The following RALGPS1 variants were observed in gnomAD, a reference collection of about 807,000 sequenced individuals.
RALGPS1 encodes the protein ras-specific guanine nucleotide-releasing factor RalGPS1.
In RALGPS1, 19 loss-of-function variants were observed where a neutral mutation model predicts 78.8. The ratio of observed to expected loss-of-function variants is 0.24; its 90% confidence interval spans 0.17 to 0.35. The LOEUF (loss-of-function observed/expected upper bound fraction) is 0.35. RALGPS1 is among the 10% of genes least tolerant of loss of function. RALGPS1 has a pLI of 1.00. For missense variants in RALGPS1, 454 were observed against 688.3 expected (o/e 0.66, Z 3.81); for synonymous variants, 228 against 256.3 (o/e 0.89, Z 1.06).
intron 8 of RALGPS1, among the ~76,000 whole-genome samples, chr9:127,100,728 T>C (rs1250849799): frequency 1.3e-5 from 2 of 152,132 alleles, no homozygotes; most frequent in African/African-American, 2.4e-5. Context: ...TGGAAGAACT[T>C]ATCAGACCCA....
At chr9:126,960,214 TCCCTCC>T (rs2038763486) in intron 1 of RALGPS1, among the ~76,000 whole-genome samples, 1 of 56,230 alleles carries the variant, frequency 1.8e-5, no homozygotes, top group African/African-American at 5.0e-5. Flanking sequence ...CCTCCCTCCC[TCCCTCC>T]CTTCCTTCCT....
chr9:127,024,036 C>CACAAAAAAA (rs2045732790), intron 4 of RALGPS1, among the ~76,000 whole-genome samples: 1 of 71,668 alleles, frequency 1.4e-5, no homozygotes, highest in Non-Finnish European at 2.5e-5. Flanking sequence ...GACTCTGTCT[C>CACAAAAAAA]AAAAAAAAAA....
chr9:127,212,536 C>A lies in RALGPS1; in HGVS notation c.1354-91C>A. 1.1e-6 allele frequency: 1 copy of A among 901,378 alleles called. No individual in the cohort carries two copies. The highest frequency in any genetic ancestry group is 1.7e-6 in the Non-Finnish European group (1 of 588,214). 55.8% of individuals were successfully genotyped at this position (901,378 alleles called of 1,614,324 possible). On this transcript the variant is annotated intron_variant, in intron 15 of 18. Transcript: ENST00000259351. This position sits in a 1 kb window ranked among gnomAD's most constrained non-coding sequence, Gnocchi z 6.0. ...AGGGAAGAGATGGGGCCTGCACTGG[C>A]ATTGATGGGATGGCTGGGTCTGTAA... is the stretch of plus-strand genomic sequence containing the variant.
chr9:126,989,995 G>C lies in RALGPS1; in HGVS notation c.216+12250G>C, dbSNP rs535656538. On this transcript the variant is annotated intron_variant, in intron 4 of 18. Coordinates refer to ENST00000259351, the MANE Select transcript of RALGPS1 (RefSeq NM_014636.3). ...CAGGAAAACACTGCCTGTGGGTCCA[G>C]GAACCTGACCCTCTGGCCTTTTGTC... 113 of 1,550,464 alleles carry C rather than the reference G, an allele frequency of 7.3e-5. No individual in the cohort carries two copies. The African/African-American group carries it at 1.3e-3, about 18-fold the overall frequency.
intron 8 of RALGPS1, among the ~76,000 whole-genome samples, chr9:127,075,198 C>T (rs576063995): frequency 3.9e-5 from 6 of 152,336 alleles, no homozygotes; most frequent in African/African-American, 7.2e-5. Flanking sequence ...TGACTCTAAG[C>T]GAGTCCAGCT....
At chr9:127,010,061 T>C (rs1055038069) in intron 4 of RALGPS1, among the ~76,000 whole-genome samples, 2 of 152,140 alleles carry the variant, frequency 1.3e-5, no homozygotes, top group African/African-American at 2.4e-5. Flanking sequence ...CTTTCCTTCA[T>C]TGGGCCACCG....
At chr9:127,151,040 T>C (rs1768373) in intron 8 of RALGPS1, among the ~76,000 whole-genome samples, 83,099 of 151,732 alleles carry the variant, frequency 0.55, 23,442 homozygotes, top group African/African-American at 0.66. Context: ...AAAAATTAGC[T>C]GGGTATGGTG....
rs147721404 is a variant in RALGPS1 at position 127,212,635 on chromosome 9, G to A, written c.1362G>A (p.Ser454=). 3,046 of 1,609,894 alleles carry A rather than the reference G, an allele frequency of 1.9e-3. 11 individuals carry two copies. The highest frequency in any genetic ancestry group is 7.3e-3 in the Middle Eastern group (44 of 6,044). ...CTCCCCTTCCTCTGTAGCTGTCCTC[G>A]TGGACCAGGTACTGGGTCATACTCT... ...LKEGRKPALS[S]WTRYWVILSG... The change falls in exon 16 of 19, where the codon TCG becomes TCA. Residue 454 remains serine, a synonymous_variant. Coordinates refer to ENST00000259351, the MANE Select transcript of RALGPS1 (RefSeq NM_014636.3). The surrounding 1 kb of genome is among the most constrained non-coding windows in gnomAD (Gnocchi z 6.0).
intron 8 of RALGPS1, among the ~76,000 whole-genome samples, chr9:127,118,865 T>G (rs1255927486): frequency 6.6e-6 from 1 of 152,244 alleles, no homozygotes; most frequent in African/African-American, 2.4e-5. Flanking sequence ...CTGTCTGTTA[T>G]GTTTGTTCTA....
At chr9:126,974,426 T>C (rs910052218) in intron 3 of RALGPS1, among the ~76,000 whole-genome samples, 23 of 152,218 alleles carry the variant, frequency 1.5e-4, no homozygotes, top group African/African-American at 5.1e-4. Context: ...TTTGTTTGTT[T>C]ATTTGGGGTC....
At position 127,222,800 on chromosome 9, in the gene RALGPS1, A is replaced by AG. The variant is rs2062808507; in HGVS notation, c.*4032dup. ...TTAGCATTCAAAATGTTGCATAGAG[A>AG]GTAGTTTTCAATTTCTTATGTACTC... On this transcript the variant is annotated 3_prime_UTR_variant, in exon 19 of 19. Coordinates refer to ENST00000259351, the MANE Select transcript of RALGPS1 (RefSeq NM_014636.3). 6.5e-6 allele frequency: 1 copy of AG among 152,674 alleles called. No homozygotes were observed. Among genetic ancestry groups the AG allele is most frequent in the East Asian group, 1.9e-4 (1 of 5,198 alleles). The allele number at this position is 152,674 out of a possible 1,614,324, so 9.5% of individuals were successfully genotyped here.
intron 11 of RALGPS1, chr9:127,184,310 A>C: frequency 8.2e-6 from 3 of 365,630 alleles, no homozygotes; most frequent in Non-Finnish European, 1.6e-5. Context: ...ACAGAGCAAG[A>C]CCTTGTCTCA....
At chr9:126,922,029 T>C (rs2034819749) in intron 1 of RALGPS1, among the ~76,000 whole-genome samples, 1 of 152,208 alleles carries the variant, frequency 6.6e-6, no homozygotes, top group African/African-American at 2.4e-5. Context: ...GCAGAACTCT[T>C]CCTGCGCTGG....
intron 11 of RALGPS1, among the ~76,000 whole-genome samples, chr9:127,185,122 C>T (rs1405041556): frequency 2.6e-5 from 4 of 152,172 alleles, no homozygotes; most frequent in African/African-American, 9.7e-5. Context: ...ACTCCACCGA[C>T]GGTCACCCCA....
chr9:127,155,742 A>G (rs1188837230), intron 8 of RALGPS1, among the ~76,000 whole-genome samples: 1 of 152,190 alleles, frequency 6.6e-6, no homozygotes, highest in Admixed American at 6.5e-5. Flanking sequence ...GCACTAACAG[A>G]TTGGAGTCAG....
chr9:127,028,222 C>G (rs945302848), intron 4 of RALGPS1, among the ~76,000 whole-genome samples: 1 of 152,248 alleles, frequency 6.6e-6, no homozygotes, highest in Non-Finnish European at 1.5e-5. Context: ...TGGTCTATGC[C>G]TTCATGTCAC....
intron 4 of RALGPS1, among the ~76,000 whole-genome samples, chr9:127,023,067 G>C (rs2045617407): frequency 6.6e-6 from 1 of 151,726 alleles, no homozygotes; most frequent in Admixed American, 6.6e-5. Flanking sequence ...CCTCCTTTAT[G>C]GTTTCATATC....
Position 126,983,189 on chromosome 9 carries a change from G to A in RALGPS1, c.216+5444G>A, listed in dbSNP as rs550723594. 1.1e-4 allele frequency among the ~76,000 whole-genome samples: 16 copies of A among 151,800 alleles called. No individual in the cohort carries two copies. The East Asian group carries it at 2.1e-3, about 20-fold the overall frequency. The stretch of plus-strand genomic sequence containing the variant: ...TGACCTCAGGTGATCTGCCCGCCTC[G>A]GCCTCCCAAAGTGCTGGGATTACAG... On this transcript the variant is annotated intron_variant, in intron 4 of 18. Transcript: ENST00000259351.
intron 18 of RALGPS1, among the ~76,000 whole-genome samples, chr9:127,215,512 G>C (rs1200497289): frequency 6.6e-6 from 1 of 152,234 alleles, no homozygotes; most frequent in Non-Finnish European, 1.5e-5. Context: ...TTTATGCTGA[G>C]GGTCCTGAGG....
Sources: allele counts gnomAD v4.1 joint callset (sites outside exome capture counted in the v4.1 genomes callset), GRCh38; gene constraint gnomAD v4.1.1; non-coding constraint Gnocchi (gnomAD v3.1); transcripts MANE v1.5; gene names NCBI Gene and HGNC (gene_info 2026-07-23, HGNC 2026-07-21).